FMN1: variants seen among roughly 807,000 people sequenced by gnomAD.
FMN1 encodes the protein formin 1.
FMN1 carries 110 observed loss-of-function variants against 132.4 expected under a neutral mutation model. The observed-to-expected ratio is 0.83, with a 90% CI of 0.71 to 0.97. FMN1 has a LOEUF of 0.97. FMN1 is among the 50% of genes least tolerant of loss of function. The pLI, the probability that FMN1 is intolerant of heterozygous loss-of-function variation, is 0.00. For synonymous variants in FMN1, 722 were observed against 651.7 expected (o/e 1.11, Z -1.64); for missense variants, 1,792 against 1,705.3 (o/e 1.05, Z -0.90).
chr15:32,966,444 G>A (rs561172325), intron 8 of FMN1, among the ~76,000 whole-genome samples: 1 of 152,112 alleles, frequency 6.6e-6, no homozygotes, highest in Non-Finnish European at 1.5e-5. Context: ...GTGGTCAACT[G>A]ACCACTGAAC....
chr15:32,889,220 C>G (rs1443019982), intron 15 of FMN1, among the ~76,000 whole-genome samples: 2 of 152,210 alleles, frequency 1.3e-5, no homozygotes, highest in African/African-American at 4.8e-5. Flanking sequence ...ACTGCTATAG[C>G]TAATGGAGAA....
Position 33,089,355 on chromosome 15 carries a change from G to C in FMN1, c.1868-381C>G, listed in dbSNP as rs755448950. On this transcript the variant is annotated intron_variant, in intron 4 of 20. Coordinates refer to ENST00000616417, the MANE Select transcript of FMN1 (RefSeq NM_001277313.2). ...GCGTCATCTGAGCCAAGTCACTAATGTGTGTGTTCTCCAGGGCAGGAACTG... is the reference window on the plus strand; with the variant it reads ...GCGTCATCTGAGCCAAGTCACTAATCTGTGTGTTCTCCAGGGCAGGAACTG... Among the ~76,000 whole-genome samples, 4 of 152,186 alleles carry C rather than the reference G, an allele frequency of 2.6e-5. No individual in the cohort carries two copies. In the East Asian group the frequency reaches 7.7e-4, roughly 29 times the overall value.
chr15:33,082,897 T>C (rs1337525267), intron 5 of FMN1, among the ~76,000 whole-genome samples: 1 of 152,086 alleles, frequency 6.6e-6, no homozygotes, highest in Non-Finnish European at 1.5e-5. Context: ...AACCAAAAAA[T>C]TTTGTAATAT....
rs58334971 is a variant in FMN1, at chr15:33,026,096, TACACACACACAC to T, written c.2162-18033_2162-18022del. Among the ~76,000 whole-genome samples, 1,170 of 144,782 alleles carry T rather than the reference TACACACACACAC, an allele frequency of 8.1e-3. 8 individuals are homozygous for T. Among genetic ancestry groups the T allele is most frequent in the Non-Finnish European group, 0.012 (766 of 65,870 alleles). 95.0% of individuals were successfully genotyped at this position (144,782 alleles called of 152,430 possible). ...ACCCATGCTATATATTGCTTAGGCATACACACACACACACACACACACACACACACACACACA... is the reference window on the plus strand; with the variant it reads ...ACCCATGCTATATATTGCTTAGGCATACACACACACACACACACACACACA... On this transcript the variant is annotated intron_variant, in intron 6 of 20. Transcript: ENST00000616417.
intron 5 of FMN1, chr15:33,067,553 T>G (rs1042620748): frequency 6.2e-7 from 1 of 1,613,924 alleles, no homozygotes; most frequent in Non-Finnish European, 8.5e-7. Flanking sequence ...TGTCCCTGCT[T>G]CTTTTCTCTG....
At chr15:32,806,872 T>C (rs915421938) in intron 17 of FMN1, among the ~76,000 whole-genome samples, 2 of 152,170 alleles carry the variant, frequency 1.3e-5, no homozygotes, top group Admixed American at 6.5e-5. Context: ...ATCTTCCTAC[T>C]ACCCCTCCAC....
Position 33,153,769 on chromosome 15 carries a change from G to A in FMN1, c.1146C>T (p.Gly382=), listed in dbSNP as rs2140283671. 1.3e-6 allele frequency: 2 copies of A among 1,536,312 alleles called. No homozygotes were observed. Among genetic ancestry groups the A allele is most frequent in the Non-Finnish European group, 1.7e-6 (2 of 1,146,960 alleles). Reference sequence around the variant, plus strand: ...GCCGCTCCTTGCCCTGCCGCCTGGAGCCATGAGCCCCAGCCTCAGCTCCCG... The same window carrying A: ...GCCGCTCCTTGCCCTGCCGCCTGGAACCATGAGCCCCAGCCTCAGCTCCCG... ...TLPGAEAGAH[G]SRRQGKERQG... Residue 382 remains glycine, a synonymous_variant, in exon 4 of 21, where the codon GGC becomes GGT. Transcript: ENST00000616417.
At chr15:33,028,520 T>A (rs1596503986) in intron 6 of FMN1, among the ~76,000 whole-genome samples, 1 of 39,292 alleles carries the variant, frequency 2.5e-5, no homozygotes, top group Non-Finnish European at 6.1e-5. Flanking sequence ...GAGGAAAAAA[T>A]AAAAATAAAA....
intron 4 of FMN1, among the ~76,000 whole-genome samples, chr15:33,147,487 C>T (rs1964274488): frequency 1.3e-5 from 2 of 152,182 alleles, no homozygotes; most frequent in South Asian, 4.1e-4. Flanking sequence ...TGCATATAGC[C>T]AAAGGCCACA....
chr15:32,991,085 G>A (rs569856827), intron 7 of FMN1, among the ~76,000 whole-genome samples: 1 of 152,228 alleles, frequency 6.6e-6, no homozygotes, highest in African/African-American at 2.4e-5. Flanking sequence ...AGAAACACCA[G>A]CCACCTGCCT....
At chr15:33,148,190 T>TAAAGAAAG (rs1174581071) in intron 4 of FMN1, among the ~76,000 whole-genome samples, 3 of 152,204 alleles carry the variant, frequency 2.0e-5, no homozygotes, top group African/African-American at 7.2e-5. Context: ...GTTGCTCATT[T>TAAAGAAAG]AAAATTCCAT....
At chr15:33,165,436 G>T (rs1401087384) in intron 3 of FMN1, among the ~76,000 whole-genome samples, 1 of 152,204 alleles carries the variant, frequency 6.6e-6, no homozygotes, top group East Asian at 1.9e-4. Flanking sequence ...TGTCACCCAG[G>T]CTGGAGTGCA....
chr15:33,165,000 C>T (rs1965040196), intron 3 of FMN1, among the ~76,000 whole-genome samples: 1 of 152,034 alleles, frequency 6.6e-6, no homozygotes, highest in Non-Finnish European at 1.5e-5. Context: ...CTGTAATCAC[C>T]CTGTTGTACA....
At chr15:33,094,949 T>C (rs1358300986) in intron 4 of FMN1, among the ~76,000 whole-genome samples, 1 of 152,234 alleles carries the variant, frequency 6.6e-6, no homozygotes, top group Non-Finnish European at 1.5e-5. Flanking sequence ...TAGGATTCAC[T>C]GAGACATTAA....
intron 17 of FMN1, among the ~76,000 whole-genome samples, chr15:32,815,832 A>G (rs2058043844): frequency 6.6e-6 from 1 of 152,178 alleles, no homozygotes; most frequent in Non-Finnish European, 1.5e-5. Context: ...GTGCTATGAT[A>G]CTAAATTCTT....
intron 10 of FMN1, among the ~76,000 whole-genome samples, chr15:32,917,024 A>AG (rs2060701223): frequency 6.6e-6 from 1 of 152,180 alleles, no homozygotes; most frequent in Non-Finnish European, 1.5e-5. Context: ...AAGAGGCAGT[A>AG]GTACAATCTG....
At chr15:33,151,075 C>T in intron 4 of FMN1, 1 of 1,315,612 alleles carries the variant, frequency 7.6e-7, no homozygotes, top group Non-Finnish European at 9.7e-7. Context: ...AAAGAGGACT[C>T]ACAGCGACAG....
intron 10 of FMN1, among the ~76,000 whole-genome samples, chr15:32,925,938 G>T (rs1181059214): frequency 6.6e-6 from 1 of 152,034 alleles, no homozygotes; most frequent in South Asian, 2.1e-4. Flanking sequence ...TTTAGCAATA[G>T]TACTAACATT....
At chr15:33,186,173 TAA>T (rs534215403) in intron 2 of FMN1, among the ~76,000 whole-genome samples, 18 of 136,272 alleles carry the variant, frequency 1.3e-4, no homozygotes, top group Admixed American at 1.5e-4. Flanking sequence ...GCTCTAAATG[TAA>T]AAAAAAAAAA....
Sources: gnomAD v4.1 joint callset for allele counts (sites outside exome capture counted in the v4.1 genomes callset) on GRCh38, gnomAD v4.1.1 for gene constraint, MANE v1.5 for transcripts, NCBI Gene and HGNC (gene_info 2026-07-23, HGNC 2026-07-21) for gene names.